YIF1A: variants seen among roughly 807,000 people sequenced by gnomAD.
YIF1A encodes the protein protein YIF1A.
A neutral mutation model predicts 32.6 loss-of-function variants in YIF1A; 28 were observed. The observed-to-expected ratio is 0.86, with a 90% confidence interval of 0.64 to 1.18. The LOEUF (loss-of-function observed/expected upper bound fraction) is 1.18. Among genes scored for constraint, YIF1A ranks in the 50% most tolerant of loss-of-function variants. The pLI is 0.00. For missense variants in YIF1A, 373 were observed against 390.8 expected (o/e 0.95, Z 0.38); for synonymous variants, 175 against 162.2 (o/e 1.08, Z -0.60).
At position 66,287,616 on chromosome 11, in the gene YIF1A, G is replaced by A. The variant is rs374138022; in HGVS notation, c.409C>T (p.Pro137Ser). 30 of 1,613,490 alleles carry A rather than the reference G, an allele frequency of 1.9e-5. No individual in the cohort carries two copies. The African/African-American group carries it at 4.0e-4, about 22-fold the overall frequency. Residue 137 changes from proline to serine, a missense_variant, in exon 4 of 8, where the codon CCT (proline) becomes TCT (serine). By Grantham distance (74) the Pro-to-Ser change is moderately conservative. Coordinates refer to ENST00000376901, the MANE Select transcript of YIF1A (RefSeq NM_020470.3). ...GACTCACTGGGGATATAGAGGTCAG[G>A]GGCGTTGAGGTCTTGCCGGGGGGGC... The part of the protein sequence containing the change: ...PLPPRQDLNA[P>S]DLYIPTMAFI...
intron 4 of YIF1A, among the ~76,000 whole-genome samples, chr11:66,286,153 G>A (rs1857354327): frequency 6.6e-6 from 1 of 152,258 alleles, no homozygotes; most frequent in African/African-American, 2.4e-5. Context: ...GGGTCATGGA[G>A]ATGACCTCAC....
At position 66,287,925 on chromosome 11, in the gene YIF1A, GGA is replaced by G. The variant is rs1857386910; in HGVS notation, c.244-11_244-10del. 6.2e-7 allele frequency: 1 copy of G among 1,612,400 alleles called. No individual in the cohort carries two copies. Among genetic ancestry groups the G allele is most frequent in the African/African-American group, 1.3e-5 (1 of 74,890 alleles). ...GACACAAAACGGTGCAGCTGGGAGG[GGA>G]GAGAGGAAGCTGTGGGCAAGCCGCA... On this transcript the variant is annotated splice_polypyrimidine_tract_variant and intron_variant, in intron 2 of 7. Coordinates refer to ENST00000376901, the MANE Select transcript of YIF1A (RefSeq NM_020470.3).
intron 1 of YIF1A, 152 bp downstream of exon 1, chr11:66,288,803 G>T: frequency 1.1e-6 from 1 of 948,272 alleles, no homozygotes; most frequent in Non-Finnish European, 1.5e-6. Context: ...GGCGAAGTCC[G>T]GGACGTGTTG....
chr11:66,288,921 C>T, intron 1 of YIF1A, 34 bp downstream of exon 1: 1 of 1,463,176 alleles, frequency 6.8e-7, no homozygotes. Context: ...CTCCCCCCGC[C>T]GGCCGCGCCG....
chr11:66,288,922 G>GGGCGC, intron 1 of YIF1A, 33 bp downstream of exon 1: 1 of 1,464,210 alleles, frequency 6.8e-7, no homozygotes, highest in Non-Finnish European at 8.9e-7. Context: ...TCCCCCCGCC[G>GGGCGC]GCCGCGCCGC....
At position 66,288,101 on chromosome 11, in the gene YIF1A, T is replaced by A. The variant is rs777682103; in HGVS notation, c.223A>T (p.Lys75Ter). The change falls in exon 2 of 8, where the codon AAG becomes TAG. Residue 75 changes from lysine (K) to a stop codon, truncating the protein, a stop_gained. Transcript: ENST00000376901. LOFTEE classifies it high-confidence loss of function. ...CACACCTCCTTGTGCACCATGTCCT[T>A]CCCATGGGATGCGATGGAGCTGCCA... is the stretch of plus-strand genomic sequence containing the variant. ...AYGSSIASHG[K>*]DMVHKELHRF... The A allele has an allele frequency of 6.2e-7, 1 of 1,613,718 alleles. No individual in the cohort carries two copies. The highest frequency in any genetic ancestry group is 8.5e-7 in the Non-Finnish European group (1 of 1,179,958).
At chr11:66,287,395 G>A in intron 4 of YIF1A, 1 of 618,878 alleles carries the variant, frequency 1.6e-6, no homozygotes, top group South Asian at 1.9e-5. Flanking sequence ...GGGTGTCCTG[G>A]GGACACTGAA....
rs1420574404 is a variant in YIF1A, at chr11:66,289,120, C to G, written c.-135G>C. ...GCGACACGTCCCCCACCCCGCCGGTCTCGGCCACCATGTCCGTGGCGTCAT... is the reference window on the plus strand; with the variant it reads ...GCGACACGTCCCCCACCCCGCCGGTGTCGGCCACCATGTCCGTGGCGTCAT... On this transcript the variant is annotated 5_prime_UTR_variant, in exon 1 of 8. Transcript: ENST00000376901. 4 of 1,302,996 alleles carry G rather than the reference C, an allele frequency of 3.1e-6. No homozygotes were observed. Among genetic ancestry groups the G allele is most frequent in the Non-Finnish European group, 3.0e-6 (3 of 1,000,780 alleles). The allele number at this position is 1,302,996 out of a possible 1,614,324, so 80.7% of individuals were successfully genotyped here.
At chr11:66,286,688 A>G (rs1283674719) in intron 4 of YIF1A, among the ~76,000 whole-genome samples, 1 of 152,168 alleles carries the variant, frequency 6.6e-6, no homozygotes, top group Non-Finnish European at 1.5e-5. Context: ...GGAGTTCTGG[A>G]GTCAGGAAAT....
chr11:66,285,827 G>T, intron 4 of YIF1A, 69 bp from the exon 5 acceptor site: 2 of 1,550,564 alleles, frequency 1.3e-6, no homozygotes, highest in South Asian at 1.1e-5. Context: ...AGGCATTCGG[G>T]TTCACCGACA....
At chr11:66,287,768 G>T (rs1329803306) in intron 3 of YIF1A, 44 bp downstream of exon 3, 1 of 1,610,378 alleles carries the variant, frequency 6.2e-7, no homozygotes, top group Admixed American at 1.7e-5. Flanking sequence ...CCAGACTCGG[G>T]CAGAATGAGG....
In YIF1A at chr11:66,284,792, A is replaced by G. The variant is rs756833393; in HGVS notation, c.736-9T>C. ...GTCCGCAAAGAGCGCACCTGGAAGA[A>G]AGGAGAACTGAAGCCTGGCCAGGAG... On this transcript the variant is annotated splice_polypyrimidine_tract_variant and intron_variant, in intron 7 of 7. Coordinates refer to ENST00000376901, the MANE Select transcript of YIF1A (RefSeq NM_020470.3). The G allele has an allele frequency of 1.9e-6, 3 of 1,611,260 alleles. No individual in the cohort carries two copies. The South Asian group carries it at 3.3e-5, about 18-fold the overall frequency.
At position 66,285,385 on chromosome 11, in the gene YIF1A, C is replaced by T. The variant is rs369917563; in HGVS notation, c.637G>A (p.Val213Met). 1.7e-4 allele frequency: 277 copies of T among 1,611,574 alleles called. No individual in the cohort carries two copies. The highest frequency in any genetic ancestry group is 2.2e-4 in the Non-Finnish European group (264 of 1,178,644). ...HLLAYSGYKY[V>M]GMILSVLTGL... ...CCCTGGCCCACAAGTGCTCACCCCA[C>T]GTATTTGTAGCCACTGTAGGCCAGC... Residue 213 changes from valine to methionine, a missense_variant, in exon 6 of 8, where the codon GTG becomes ATG. By Grantham distance (21) the Val-to-Met change is conservative. Transcript: ENST00000376901.
intron 6 of YIF1A, 109 bp from the exon 7 acceptor site, chr11:66,285,075 T>C (rs1049936208): frequency 5.2e-5 from 60 of 1,163,016 alleles, no homozygotes; most frequent in African/African-American, 3.1e-5. Flanking sequence ...CACAGCACCT[T>C]TTACTCTCAA....
In YIF1A at chr11:66,288,885, G is replaced by A; in HGVS notation, c.31+70C>T. ...GGCGGTCCCAGTCGCTATCTCCCTC[G>A]GGGTGAGCGGGCCACGCCGCCGACT... On this transcript the variant is annotated intron_variant, in intron 1 of 7. Coordinates refer to ENST00000376901, the MANE Select transcript of YIF1A (RefSeq NM_020470.3). 2.1e-6 allele frequency: 3 copies of A among 1,423,030 alleles called. No individual in the cohort carries two copies. The South Asian group carries it at 4.4e-5, about 21-fold the overall frequency. 88.2% of individuals were successfully genotyped at this position (1,423,030 alleles called of 1,614,324 possible). A position where few individuals can be genotyped will look rare whatever the true frequency, so the allele number is the denominator to read the frequency against.
intron 3 of YIF1A, 24 bp from the exon 4 acceptor site, chr11:66,287,700 G>A (rs747997973): frequency 2.4e-5 from 39 of 1,611,142 alleles, no homozygotes; most frequent in Non-Finnish European, 3.1e-5. Context: ...TGGCAGCAGC[G>A]GCCACATCAG....
chr11:66,286,888 G>A lies in YIF1A; in HGVS notation c.427+710C>T, dbSNP rs190664882. The A allele has an allele frequency of 1.3e-4, 20 of 153,022 alleles. No homozygotes were observed. The East Asian group carries it at 3.7e-3, about 28-fold the overall frequency. 9.5% of individuals were successfully genotyped at this position (153,022 alleles called of 1,614,324 possible). On this transcript the variant is annotated intron_variant, in intron 4 of 7. Transcript: ENST00000376901. ...CTGGCTGCCTGCCCTCAGTCCCACT[G>A]GCTGCCCTCACTGGAAGCTCATCTG...
At position 66,285,461 on chromosome 11, in the gene YIF1A, G is replaced by A; in HGVS notation, c.561C>T (p.Leu187=). The A allele has an allele frequency of 1.2e-6, 2 of 1,613,356 alleles. No individual in the cohort carries two copies. The highest frequency in any genetic ancestry group is 8.5e-7 in the Non-Finnish European group (1 of 1,180,024). ...GCACGGTGGCCAGGTAGAGGCCCAG[G>A]AGCAGGGCCAGCACCTCCATCACCA... ...VWVVMEVLAL[L]LGLYLATVRS... Residue 187 remains leucine (L), a synonymous_variant, in exon 6 of 8, where the codon CTC becomes CTT. Coordinates refer to ENST00000376901, the MANE Select transcript of YIF1A (RefSeq NM_020470.3).
At chr11:66,287,034 CA>C (rs1381203275) in intron 4 of YIF1A, 1 of 157,942 alleles carries the variant, frequency 6.3e-6, no homozygotes, top group Non-Finnish European at 1.4e-5. Context: ...GCCATGTGGA[CA>C]GGCAGTTGTG....
Sources: allele counts gnomAD v4.1 joint callset (sites outside exome capture counted in the v4.1 genomes callset), GRCh38; gene constraint gnomAD v4.1.1; transcripts MANE v1.5; gene names NCBI Gene and HGNC (gene_info 2026-07-23, HGNC 2026-07-21).